SYCP1: variants seen among roughly 807,000 people sequenced by gnomAD.
SYCP1 encodes the protein synaptonemal complex protein 1.
A neutral mutation model predicts 153.1 loss-of-function variants in SYCP1; 64 were observed. The ratio of observed to expected loss-of-function variants is 0.42; its 90% CI spans 0.34 to 0.51. The LOEUF (loss-of-function observed/expected upper bound fraction) is 0.51, where lower values mean the gene tolerates loss of function less well. Among genes scored for constraint, SYCP1 ranks in the 20% least tolerant of loss-of-function variants. The pLI is 0.06. For missense variants in SYCP1, 997 were observed against 1,049.0 expected, an observed-to-expected ratio of 0.95 and a Z score of 0.68; for synonymous variants, 384 against 341.8, an observed-to-expected ratio of 1.12 and a Z score of -1.36.
chr1:114,912,402 G>A (rs1286802), intron 18 of SYCP1, among the ~76,000 whole-genome samples: 3,533 of 151,948 alleles, frequency 0.023, 54 homozygotes, highest in South Asian at 0.035. Context: ...GATAATAGAT[G>A]CTCCTAAAAT....
intron 24 of SYCP1, 82 bp downstream of exon 24, chr1:114,944,537 A>T: frequency 1.2e-6 from 1 of 824,238 alleles, no homozygotes; most frequent in Non-Finnish European, 1.9e-6. Flanking sequence ...AAGTAAAAAA[A>T]TCTTAACTAT....
chr1:114,951,120 G>A lies in SYCP1; in HGVS notation c.2322+3800G>A, dbSNP rs980057113. Among the ~76,000 whole-genome samples the A allele has an allele frequency of 1.2e-4, 19 of 152,108 alleles. No individual in the cohort carries two copies. In the East Asian group the frequency reaches 2.7e-3, roughly 22 times the overall value. ...ATTACAGGCGTGAGCCACCACGCCC[G>A]GCCTAAATTACACTTTTATACACAT... On this transcript the variant is annotated intron_variant, in intron 27 of 31. Coordinates refer to ENST00000369522, the MANE Select transcript of SYCP1 (RefSeq NM_003176.4).
intron 27 of SYCP1, among the ~76,000 whole-genome samples, chr1:114,963,980 A>G (rs2101892026): frequency 6.6e-6 from 1 of 152,204 alleles, no homozygotes; most frequent in East Asian, 1.9e-4. Flanking sequence ...ACTAATTTAC[A>G]CTCCCACCAA....
chr1:114,937,782 A>G (rs1242767078), intron 23 of SYCP1, among the ~76,000 whole-genome samples: 1 of 152,264 alleles, frequency 6.6e-6, no homozygotes, highest in Non-Finnish European at 1.5e-5. Context: ...TGCAGCCAAC[A>G]GACACATGAA....
At position 114,926,541 on chromosome 1, in the gene SYCP1, A is replaced by G. The variant is rs1342481360; in HGVS notation, c.1904A>G (p.Gln635Arg). Residue 635 changes from glutamine to arginine, a missense_variant, in exon 23 of 32, where the codon CAA (glutamine) becomes CGA (arginine). This residue lies in a region of SYCP1 where 712 missense variants were observed against 682.9 expected (regional missense o/e 1.04). Transcript: ENST00000369522. ...LKKKGTAESKQLNVYEIKVNK... is the reference protein window; with the variant it reads ...LKKKGTAESKRLNVYEIKVNK... Reference sequence around the variant, plus strand: ...AAAAAAGGTACAGCAGAAAGCAAGCAACTGAATGTTTATGAGATAAAGGTA... The same window carrying G: ...AAAAAAGGTACAGCAGAAAGCAAGCGACTGAATGTTTATGAGATAAAGGTA... The G allele has an allele frequency of 6.3e-7, 1 of 1,599,416 alleles. No individual in the cohort carries two copies. Among genetic ancestry groups the G allele is most frequent in the East Asian group, 2.3e-5 (1 of 44,216 alleles).
At chr1:114,905,335 C>T (rs567915166) in intron 16 of SYCP1, among the ~76,000 whole-genome samples, 2 of 152,272 alleles carry the variant, frequency 1.3e-5, no homozygotes, top group African/African-American at 2.4e-5. Flanking sequence ...CAAACAGAAG[C>T]CATGTGTGTC....
At chr1:114,859,884 A>C (rs1428098142) in intron 7 of SYCP1, 74 bp downstream of exon 7, 2 of 490,244 alleles carry the variant, frequency 4.1e-6, no homozygotes, top group Admixed American at 1.1e-4. Flanking sequence ...AATTTTCAAA[A>C]ACATATTGAG....
chr1:114,896,162 C>T (rs1449231250), intron 16 of SYCP1, among the ~76,000 whole-genome samples: 2 of 152,060 alleles, frequency 1.3e-5, no homozygotes, highest in Non-Finnish European at 2.9e-5. Flanking sequence ...GTTTTCTGGC[C>T]CCTGATGTAG....
chr1:114,993,679 A>G (rs1469842831), intron 30 of SYCP1, among the ~76,000 whole-genome samples: 1 of 151,518 alleles, frequency 6.6e-6, no homozygotes, highest in African/African-American at 2.4e-5. Context: ...GAGAATTACA[A>G]TAATTGTAAA....
chr1:114,856,790 A>T, intron 3 of SYCP1, 133 bp downstream of exon 3: 1 of 668,828 alleles, frequency 1.5e-6, no homozygotes, highest in Non-Finnish European at 2.4e-6. Context: ...TACTTAATAT[A>T]AAAAATAAGG....
intron 20 of SYCP1, among the ~76,000 whole-genome samples, chr1:114,919,886 C>T (rs565254320): frequency 2.0e-5 from 3 of 151,680 alleles, no homozygotes; most frequent in Non-Finnish European, 2.9e-5. Flanking sequence ...TTTTGGTCTT[C>T]TCTCTTTTTT....
chr1:114,859,809 G>C lies in SYCP1; in HGVS notation c.523G>C (p.Glu175Gln). The C allele has an allele frequency of 1.4e-6, 1 of 702,696 alleles. No homozygotes were observed. The highest frequency in any genetic ancestry group is 2.1e-6 in the Non-Finnish European group (1 of 485,254). The allele number at this position is 702,696 out of a possible 1,614,324, so 43.5% of individuals were successfully genotyped here. A position where few individuals can be genotyped will look rare whatever the true frequency, so the allele number is the denominator to read the frequency against. The change falls in exon 7 of 32, where the codon GAG becomes CAG. Residue 175 changes from glutamate to glutamine, a missense_variant and splice_region_variant. This residue lies in a region of SYCP1 where 285 missense variants were observed against 366.1 expected (regional missense o/e 0.78). Transcript: ENST00000369522. The stretch of plus-strand genomic sequence containing the variant: ...ACAAGAAAATAAAGATTTAATAAAA[G>C]AGTAAGTAGTAATTTAATGAATTTG... ...GIQENKDLIKENNATRHLCNL... is the reference protein window; with the variant it reads ...GIQENKDLIKQNNATRHLCNL...
At chr1:114,974,028 T>G (rs1302372530) in intron 27 of SYCP1, among the ~76,000 whole-genome samples, 1 of 151,758 alleles carries the variant, frequency 6.6e-6, no homozygotes, top group Non-Finnish European at 1.5e-5. Flanking sequence ...TGCCCCAAAG[T>G]CAGCTTTATC....
chr1:114,876,742 G>A lies in SYCP1; in HGVS notation c.733G>A (p.Glu245Lys), dbSNP rs1162549630. The change falls in exon 11 of 32, where the codon GAA becomes AAA. Residue 245 changes from glutamate to lysine, a missense_variant. Transcript: ENST00000369522. The part of the protein sequence containing the change: ...SRLEMHFKLK[E>K]DYEKIQHLEQ... ...TATTTGTTTTATTTTTAAAGTAAAGGAAGATTATGAAAAAATCCAACACCT... is the reference window on the plus strand; with the variant it reads ...TATTTGTTTTATTTTTAAAGTAAAGAAAGATTATGAAAAAATCCAACACCT... 1.5e-6 allele frequency: 2 copies of A among 1,354,202 alleles called. No homozygotes were observed. The highest frequency in any genetic ancestry group is 1.9e-6 in the Non-Finnish European group (2 of 1,034,096). 83.9% of individuals were successfully genotyped at this position (1,354,202 alleles called of 1,614,324 possible).
intron 8 of SYCP1, among the ~76,000 whole-genome samples, chr1:114,870,040 G>T (rs1452320059): frequency 6.6e-6 from 1 of 152,006 alleles, no homozygotes; most frequent in Admixed American, 6.6e-5. Context: ...TTGAGACAGG[G>T]TCTTGGTCTG....
intron 27 of SYCP1, among the ~76,000 whole-genome samples, chr1:114,969,507 A>G (rs2101908162): frequency 6.6e-6 from 1 of 152,274 alleles, no homozygotes; most frequent in East Asian, 1.9e-4. Context: ...AACAAGCTCA[A>G]GCATCCCAGG....
rs559489231 is a variant in SYCP1, at chr1:114,957,792, G to C, written c.2322+10472G>C. Among the ~76,000 whole-genome samples the C allele has an allele frequency of 5.3e-5, 8 of 152,182 alleles. 1 individual carries two copies. The highest frequency in any genetic ancestry group is 2.6e-4 in the Admixed American group (4 of 15,270). On this transcript the variant is annotated intron_variant, in intron 27 of 31. Coordinates refer to ENST00000369522, the MANE Select transcript of SYCP1 (RefSeq NM_003176.4). ...TAAAAGTCAAAAGATAGCAAGTGTT[G>C]ATGAGGATGTGGAACAAAGGGAACC...
chr1:114,952,650 C>T (rs558066725), intron 27 of SYCP1, among the ~76,000 whole-genome samples: 3 of 152,134 alleles, frequency 2.0e-5, no homozygotes, highest in African/African-American at 7.2e-5. Flanking sequence ...CTCACTGTCA[C>T]GAGAACAGCA....
chr1:114,904,042 T>C (rs1183488330), intron 16 of SYCP1, among the ~76,000 whole-genome samples: 1 of 152,184 alleles, frequency 6.6e-6, no homozygotes, highest in African/African-American at 2.4e-5. Flanking sequence ...AACTTTATTA[T>C]TCATTTTCAA....
Sources: allele counts gnomAD v4.1 joint callset (sites outside exome capture counted in the v4.1 genomes callset), GRCh38; gene constraint gnomAD v4.1.1; regional missense constraint gnomAD v4.1.1; transcripts MANE v1.5; gene names NCBI Gene and HGNC (gene_info 2026-07-23, HGNC 2026-07-21).